The following ATP10A variants were observed in gnomAD, a reference collection of about 807,000 sequenced individuals.
ATP10A encodes the protein ATPase phospholipid transporting 10A (putative).
A neutral mutation model predicts 147.8 loss-of-function variants in ATP10A; 111 were observed. That is an observed-to-expected ratio of 0.75 (90% CI 0.64 to 0.88). ATP10A has a LOEUF of 0.88. ATP10A is among the 40% of genes least tolerant of loss of function. The probability of loss-of-function intolerance (pLI) is 0.00; values close to 1 mark genes in which losing one functional copy is unlikely to be tolerated. For synonymous variants in ATP10A, 875 were observed against 841.6 expected, an observed-to-expected ratio of 1.04 and a Z score of -0.69; for missense variants, 1,927 against 1,959.0, an observed-to-expected ratio of 0.98 and a Z score of 0.31.
At position 25,714,975 on chromosome 15, in the gene ATP10A, C is replaced by T. The variant is rs1009255252; in HGVS notation, c.1777-734G>A. On this transcript the variant is annotated intron_variant, in intron 9 of 20. Transcript: ENST00000555815. Reference sequence around the variant, plus strand: ...AATGAATGACACATATACACACACACACACACACACACACACACACACACA... The same window carrying T: ...AATGAATGACACATATACACACACATACACACACACACACACACACACACA... Among the ~76,000 whole-genome samples the T allele has an allele frequency of 1.6e-4, 21 of 131,998 alleles. No homozygotes were observed. In the East Asian group the frequency reaches 2.9e-3, roughly 18 times the overall value. The allele number at this position is 131,998 out of a possible 152,430, so 86.6% of individuals were successfully genotyped here. A position where few individuals can be genotyped will look rare whatever the true frequency, so the allele number is the denominator to read the frequency against.
chr15:25,835,549 A>G (rs545183701), intron 1 of ATP10A, among the ~76,000 whole-genome samples: 14 of 152,236 alleles, frequency 9.2e-5, no homozygotes, highest in Admixed American at 8.5e-4. Context: ...CAGGGTCCCA[A>G]GCCTGGCCCT....
rs373756812 is a variant in ATP10A, at chr15:25,683,471, G to C, written c.3307C>G (p.Leu1103Val). ...FYKNTMFVGLLFWFQFFCGFS... is the reference protein window; with the variant it reads ...FYKNTMFVGLVFWFQFFCGFS... ...CCACAGAAAAACTGGAACCAAAACA[G>C]GAGGCCCACGAACATCTGAAATCAA... Residue 1103 changes from leucine (L) to valine (V), a missense_variant, in exon 17 of 21, where the codon CTG (leucine) becomes GTG (valine). Leu to Val is a conservative substitution (Grantham distance 32, BLOSUM62 1). Transcript: ENST00000555815. 1 of 1,613,174 alleles carries C rather than the reference G, an allele frequency of 6.2e-7. No homozygotes were observed. The highest frequency in any genetic ancestry group is 1.1e-5 in the South Asian group (1 of 90,926).
intron 13 of ATP10A, among the ~76,000 whole-genome samples, chr15:25,697,842 C>T (rs1900431400): frequency 6.6e-6 from 1 of 152,152 alleles, no homozygotes; most frequent in African/African-American, 2.4e-5. Flanking sequence ...AGCATGTACC[C>T]TTGATAGGAT....
Position 25,680,311 on chromosome 15 carries a change from G to A in ATP10A, c.3679-3C>T. 2.5e-6 allele frequency: 4 copies of A among 1,612,698 alleles called. No homozygotes were observed. Among genetic ancestry groups the A allele is most frequent in the Non-Finnish European group, 3.4e-6 (4 of 1,179,310 alleles). ...CACGTTATCCAGTTGAGCCAGGTCT[G>A]AGGGGGAATGAGAAAGAAAGGGCTT... On this transcript the variant is annotated splice_polypyrimidine_tract_variant and splice_region_variant and intron_variant, in intron 19 of 20. Coordinates refer to ENST00000555815, the MANE Select transcript of ATP10A (RefSeq NM_024490.4).
intron 1 of ATP10A, among the ~76,000 whole-genome samples, chr15:25,806,490 T>C (rs1891194682): frequency 2.0e-5 from 3 of 151,924 alleles, no homozygotes. Flanking sequence ...TTTTTTGTAT[T>C]TTTAGTAGAG....
chr15:25,803,682 C>T (rs976593182), intron 1 of ATP10A, among the ~76,000 whole-genome samples: 19 of 147,942 alleles, frequency 1.3e-4, no homozygotes, highest in Non-Finnish European at 2.2e-4. Flanking sequence ...CTTGCACTTC[C>T]GGGACAGCCC....
In ATP10A at chr15:25,729,060, G is replaced by C. The variant is rs112355115; in HGVS notation, c.741-1794C>G. 3.4e-3 allele frequency among the ~76,000 whole-genome samples: 511 copies of C among 152,330 alleles called. 5 individuals are homozygous for C. Among genetic ancestry groups the C allele is most frequent in the African/African-American group, 0.012 (484 of 41,592 alleles). On this transcript the variant is annotated intron_variant, in intron 3 of 20. Coordinates refer to ENST00000555815, the MANE Select transcript of ATP10A (RefSeq NM_024490.4). ...ACTCCACAAAGACACACACAAGAAC[G>C]TGAGCCGTCAGCTCCGTTGTCATGG...
chr15:25,839,202 A>G (rs1892707113), intron 1 of ATP10A, among the ~76,000 whole-genome samples: 4 of 152,202 alleles, frequency 2.6e-5, no homozygotes, highest in African/African-American at 4.8e-5. Context: ...CTGGGATAAT[A>G]TGTAACTCCA....
chr15:25,678,914 C>T lies in ATP10A; in HGVS notation c.*427G>A, dbSNP rs1899207285. 2 of 152,602 alleles carry T rather than the reference C, an allele frequency of 1.3e-5. No homozygotes were observed. Among genetic ancestry groups the T allele is most frequent in the Admixed American group, 6.5e-5 (1 of 15,302 alleles). The allele number at this position is 152,602 out of a possible 1,614,324, so 9.5% of individuals were successfully genotyped here. On this transcript the variant is annotated 3_prime_UTR_variant, in exon 21 of 21. Transcript: ENST00000555815. ...GCCCAGCCCTCCTGTGTCAGTGAGA[C>T]TGGAAGCCTCTGGGGGCCATGTGCT...
At chr15:25,757,283 T>A (rs1037067793) in intron 2 of ATP10A, among the ~76,000 whole-genome samples, 2 of 152,110 alleles carry the variant, frequency 1.3e-5, no homozygotes, top group African/African-American at 4.8e-5. Context: ...ATTATAAAAT[T>A]TAAATCCATA....
At chr15:25,749,682 T>C (rs1285328956) in intron 2 of ATP10A, among the ~76,000 whole-genome samples, 2 of 152,144 alleles carry the variant, frequency 1.3e-5, no homozygotes, top group Non-Finnish European at 2.9e-5. Context: ...TAATCTAACA[T>C]AGAAGAGACA....
chr15:25,756,099 G>C (rs1462098903), intron 2 of ATP10A, among the ~76,000 whole-genome samples: 1 of 152,048 alleles, frequency 6.6e-6, no homozygotes, highest in African/African-American at 2.4e-5. Context: ...TCTGTTCATT[G>C]TTTACCTTGT....
At chr15:25,716,585 C>T in intron 9 of ATP10A, 145 bp downstream of exon 9, 1 of 737,468 alleles carries the variant, frequency 1.4e-6, no homozygotes, top group Non-Finnish European at 2.1e-6. Context: ...CAGTATGAAG[C>T]ACCCCACCGC....
At position 25,863,024 on chromosome 15, in the gene ATP10A, G is replaced by A; in HGVS notation, c.73C>T (p.Arg25Cys). The change falls in exon 1 of 21, where the codon CGC becomes TGC. Residue 25 changes from arginine to cysteine, a missense_variant. By Grantham distance (180) the Arg-to-Cys change is radical. Transcript: ENST00000555815. ...GRRRRREGRT[R>C]TVRSNLLPPP... ...GGCAGCAGGTTGGAGCGCACCGTGC[G>A]CGTCCTGCCCTCTCGGCGCCTCCGC... 1.5e-6 allele frequency: 2 copies of A among 1,334,228 alleles called. No individual in the cohort carries two copies. Among genetic ancestry groups the A allele is most frequent in the South Asian group, 4.0e-5 (2 of 49,948 alleles). The allele number at this position is 1,334,228 out of a possible 1,614,324, so 82.6% of individuals were successfully genotyped here. A position where few individuals can be genotyped will look rare whatever the true frequency, so the allele number is the denominator to read the frequency against.
At chr15:25,858,922 G>A (rs1340209101) in intron 1 of ATP10A, among the ~76,000 whole-genome samples, 1 of 152,154 alleles carries the variant, frequency 6.6e-6, no homozygotes, top group Non-Finnish European at 1.5e-5. Flanking sequence ...AGCCTAGGCA[G>A]GCTTTGGGGG....
At chr15:25,791,486 A>C (rs1890423221) in intron 1 of ATP10A, among the ~76,000 whole-genome samples, 1 of 152,104 alleles carries the variant, frequency 6.6e-6, no homozygotes, top group Admixed American at 6.5e-5. Context: ...TCCTGGGCTC[A>C]AGCAATCTTC....
Position 25,708,268 on chromosome 15 carries a change from G to A in ATP10A, c.2377C>T (p.Arg793Trp), listed in dbSNP as rs747360622. 11 of 1,614,004 alleles carry A rather than the reference G, an allele frequency of 6.8e-6. No individual in the cohort carries two copies. The Admixed American group carries it at 8.3e-5, about 12-fold the overall frequency. ...DARGRHQKKIRSKTQNYLNVY... is the reference protein window; with the variant it reads ...DARGRHQKKIWSKTQNYLNVY... ...TTGAGGTAATTCTGAGTTTTGCTCCGAATCTTTTTTTGATGCCTCCCTCTG... is the reference window on the plus strand; with the variant it reads ...TTGAGGTAATTCTGAGTTTTGCTCCAAATCTTTTTTTGATGCCTCCCTCTG... Residue 793 changes from arginine (R) to tryptophan (W), a missense_variant, in exon 11 of 21, where the codon CGG (arginine) becomes TGG (tryptophan). Coordinates refer to ENST00000555815, the MANE Select transcript of ATP10A (RefSeq NM_024490.4).
rs114091283 is a variant in ATP10A at position 25,714,241 on chromosome 15, C to T, written c.1777G>A (p.Val593Met). ...GACTTCAGCTCAAACCTCACCCTCACCTGCAAGAGAAATGGTCAGAAGGCA... is the reference window on the plus strand; with the variant it reads ...GACTTCAGCTCAAACCTCACCCTCATCTGCAAGAGAAATGGTCAGAAGGCA... ...VTSPDQPRTK[V>M]RVRFELKSPV... Residue 593 changes from valine (V) to methionine (M), a missense_variant and splice_region_variant, in exon 10 of 21, where the codon GTG becomes ATG. Physicochemically the swap from Val to Met is conservative, Grantham distance 21. Transcript: ENST00000555815. 8.2e-4 allele frequency: 1,311 copies of T among 1,599,092 alleles called. 20 individuals carry two copies. In the African/African-American group the frequency reaches 0.016, roughly 19 times the overall value.
At chr15:25,810,617 C>T (rs1891386588) in intron 1 of ATP10A, among the ~76,000 whole-genome samples, 1 of 152,166 alleles carries the variant, frequency 6.6e-6, no homozygotes, top group African/African-American at 2.4e-5. Context: ...CAGGGCTTTA[C>T]CTCATACCTG....
Sources: allele counts gnomAD v4.1 joint callset (sites outside exome capture counted in the v4.1 genomes callset), GRCh38; gene constraint gnomAD v4.1.1; transcripts MANE v1.5; gene names NCBI Gene and HGNC (gene_info 2026-07-23, HGNC 2026-07-21).